The following APPL2 variants were observed in gnomAD, a reference collection of about 807,000 sequenced individuals.
APPL2 encodes the protein adaptor protein, phosphotyrosine interacting with PH domain and leucine zipper 2, also known as DCC-interacting protein 13-beta.
In APPL2, 84 loss-of-function variants were observed where a neutral mutation model predicts 92.7. The observed-to-expected ratio is 0.91, with a 90% CI of 0.76 to 1.09. The LOEUF (loss-of-function observed/expected upper bound fraction) is 1.09. Ranked by LOEUF, APPL2 falls within the 50% of genes least tolerant of loss-of-function variation. The pLI, the probability that APPL2 is intolerant of heterozygous loss-of-function variation, is 0.00. For synonymous variants in APPL2, 291 were observed against 291.0 expected (o/e 1.00, Z 0.00); for missense variants, 736 against 824.5 (o/e 0.89, Z 1.31).
chr12:105,189,780 T>G lies in APPL2; in HGVS notation c.1451A>C (p.Glu484Ala), dbSNP rs151164748. The change falls in exon 16 of 21, where the codon GAA becomes GCA. Residue 484 changes from glutamate (E) to alanine (A), a missense_variant. By Grantham distance (107) the Glu-to-Ala change is moderately radical. Transcript: ENST00000258530. ...CCAAACTAGTCACTTACCTTCTGCT[T>G]CTGGAAATGATTCATCCTCAGTTTC... ...FGETEDESFP[E>A]AEDSLLQQMF... The G allele has an allele frequency of 6.2e-7, 1 of 1,614,234 alleles. No homozygotes were observed. The highest frequency in any genetic ancestry group is 1.7e-5 in the Admixed American group (1 of 60,024).
chr12:105,208,168 G>C lies in APPL2; in HGVS notation c.405C>G (p.Leu135=), dbSNP rs760467634. ...EVSTLKDLFG[L]ASNEHDLSMA... ...GGAGAAGGTGCCTACCATTGCTAGCGAGTCCAAATAGATCCTTTAAAGTGC... is the reference window on the plus strand; with the variant it reads ...GGAGAAGGTGCCTACCATTGCTAGCCAGTCCAAATAGATCCTTTAAAGTGC... Residue 135 remains leucine (L), a synonymous_variant, in exon 6 of 21, where the codon CTC becomes CTG. Coordinates refer to ENST00000258530, the MANE Select transcript of APPL2 (RefSeq NM_018171.5). The C allele has an allele frequency of 4.3e-6, 7 of 1,614,106 alleles. No homozygotes were observed. The African/African-American group carries it at 8.0e-5, about 18-fold the overall frequency.
At chr12:105,235,885 C>T (rs1255384933) in intron 1 of APPL2, 74 bp downstream of exon 1, 2 of 1,183,500 alleles carry the variant, frequency 1.7e-6, no homozygotes, top group African/African-American at 1.6e-5. Flanking sequence ...GGGGCGCGGC[C>T]TCCACTCCGG....
At chr12:105,220,774 A>G (rs1253198951) in intron 2 of APPL2, among the ~76,000 whole-genome samples, 1 of 152,194 alleles carries the variant, frequency 6.6e-6, no homozygotes, top group African/African-American at 2.4e-5. Flanking sequence ...TCAAGGGGAG[A>G]GCACTCATGT....
rs181053836 is a variant in APPL2 at position 105,189,554 on chromosome 12, G to A, written c.1459+218C>T. On this transcript the variant is annotated intron_variant, in intron 16 of 20. Coordinates refer to ENST00000258530, the MANE Select transcript of APPL2 (RefSeq NM_018171.5). ...CTATGCTATGCTACAAAAACGCTATGGCTAATGGTGAAATAGCTGTAGGTG... is the reference window on the plus strand; with the variant it reads ...CTATGCTATGCTACAAAAACGCTATAGCTAATGGTGAAATAGCTGTAGGTG... 1.7e-3 allele frequency among the ~76,000 whole-genome samples: 252 copies of A among 152,256 alleles called. 1 individual carries two copies. Among genetic ancestry groups the A allele is most frequent in the Non-Finnish European group, 3.0e-3 (206 of 68,014 alleles).
chr12:105,234,297 C>T (rs2136106034), intron 1 of APPL2, among the ~76,000 whole-genome samples: 1 of 152,364 alleles, frequency 6.6e-6, no homozygotes, highest in African/African-American at 2.4e-5. Context: ...CCCTGTCTCT[C>T]ATTCTGTAGA....
intron 2 of APPL2, among the ~76,000 whole-genome samples, chr12:105,225,848 T>G (rs980147224): frequency 2.0e-5 from 3 of 152,264 alleles, no homozygotes; most frequent in Admixed American, 1.3e-4. Context: ...TCTTCCTCTT[T>G]CTAAAACTAA....
At chr12:105,216,160 G>GT (rs886609895) in intron 4 of APPL2, among the ~76,000 whole-genome samples, 1 of 152,036 alleles carries the variant, frequency 6.6e-6, no homozygotes, top group Non-Finnish European at 1.5e-5. Flanking sequence ...ACCTGGTTTC[G>GT]TTTTTTACAA....
chr12:105,188,346 A>G lies in APPL2; in HGVS notation c.1561T>C (p.Leu521=), dbSNP rs550424373. ...EVIYEAMRQV[L]AARAIHNIFR... ...ATGTTATGAATAGCCCGAGCAGCCAATACTTGTCTCATCGCTTCATAAATC... is the reference window on the plus strand; with the variant it reads ...ATGTTATGAATAGCCCGAGCAGCCAGTACTTGTCTCATCGCTTCATAAATC... Residue 521 remains leucine, a synonymous_variant, in exon 17 of 21, where the codon TTG becomes CTG. Transcript: ENST00000258530. 4.3e-6 allele frequency: 7 copies of G among 1,614,240 alleles called. No individual in the cohort carries two copies. The African/African-American group carries it at 6.7e-5, about 15-fold the overall frequency.
chr12:105,233,084 T>C (rs1891037879), intron 1 of APPL2: 1 of 985,266 alleles, frequency 1.0e-6, no homozygotes, highest in South Asian at 4.7e-5. Context: ...AAAAGTGTAC[T>C]ACTTACAGGA....
At chr12:105,181,786 T>G (rs2135903074) in intron 17 of APPL2, among the ~76,000 whole-genome samples, 1 of 152,330 alleles carries the variant, frequency 6.6e-6, no homozygotes, top group East Asian at 1.9e-4. Context: ...TAGTTTGTAT[T>G]TCTCTGGGAT....
chr12:105,176,093 CAAGAA>C lies in APPL2; in HGVS notation c.1813-16_1813-12del, dbSNP rs772082339. On this transcript the variant is annotated splice_polypyrimidine_tract_variant and intron_variant, in intron 19 of 20. Coordinates refer to ENST00000258530, the MANE Select transcript of APPL2 (RefSeq NM_018171.5). Reference sequence around the variant, plus strand: ...AATAGCATAACATATCTGCAAAAGACAAGAAAAGTAGTGATTGGCAAAAGTAGAGA... The same window carrying C: ...AATAGCATAACATATCTGCAAAAGACAAGTAGTGATTGGCAAAAGTAGAGA... The C allele has an allele frequency of 3.8e-6, 6 of 1,590,204 alleles. No individual in the cohort carries two copies. The South Asian group carries it at 4.7e-5, about 12-fold the overall frequency.
chr12:105,199,635 T>C, intron 9 of APPL2, 104 bp from the exon 10 acceptor site: 2 of 1,296,990 alleles, frequency 1.5e-6, no homozygotes, highest in Non-Finnish European at 2.1e-6. Flanking sequence ...CTTCCGGCCT[T>C]ACAGATGGAG....
At chr12:105,225,797 A>G (rs1890451485) in intron 2 of APPL2, among the ~76,000 whole-genome samples, 1 of 152,260 alleles carries the variant, frequency 6.6e-6, no homozygotes, top group Non-Finnish European at 1.5e-5. Context: ...AGCCACAATC[A>G]GCAAAACTGC....
chr12:105,175,051 T>G (rs1235051212), intron 20 of APPL2, among the ~76,000 whole-genome samples: 3 of 152,102 alleles, frequency 2.0e-5, no homozygotes, highest in Admixed American at 6.5e-5. Context: ...ACCCGGCTAA[T>G]TTTTGTATTT....
chr12:105,215,783 G>C (rs138306348), intron 4 of APPL2, among the ~76,000 whole-genome samples: 8 of 152,118 alleles, frequency 5.3e-5, no homozygotes, highest in Non-Finnish European at 1.2e-4. Flanking sequence ...GCTCATGCCT[G>C]TAATCTCAGC....
intron 14 of APPL2, 54 bp from the exon 15 acceptor site, chr12:105,190,209 A>C (rs1887085044): frequency 6.4e-7 from 1 of 1,553,980 alleles, no homozygotes; most frequent in Non-Finnish European, 8.7e-7. Context: ...AATCAAGTGA[A>C]TACTTGTTGA....
intron 8 of APPL2, among the ~76,000 whole-genome samples, chr12:105,205,905 A>G (rs1185456246): frequency 6.6e-6 from 1 of 152,226 alleles, no homozygotes; most frequent in African/African-American, 2.4e-5. Context: ...GATGCCGCCC[A>G]CAGCTGGGTG....
chr12:105,176,694 C>G (rs1423752726), intron 19 of APPL2, 182 bp downstream of exon 19: 1 of 725,062 alleles, frequency 1.4e-6, no homozygotes, highest in African/African-American at 1.8e-5. Flanking sequence ...AGGTATTTTC[C>G]ACAGAGAAAT....
chr12:105,224,588 T>C (rs1196770), intron 2 of APPL2, among the ~76,000 whole-genome samples: 133,757 of 152,282 alleles, frequency 0.88, 59,138 homozygotes, highest in East Asian at 1. Flanking sequence ...GCTACTTAAC[T>C]TCTCTGAGTC....
Sources: allele counts gnomAD v4.1 joint callset (sites outside exome capture counted in the v4.1 genomes callset), GRCh38; gene constraint gnomAD v4.1.1; transcripts MANE v1.5; gene names NCBI Gene and HGNC (gene_info 2026-07-23, HGNC 2026-07-21).